GGT5: variants seen among roughly 807,000 people sequenced by gnomAD.
GGT5 encodes the protein gamma-glutamyltransferase 5.
A neutral mutation model predicts 58.1 loss-of-function variants in GGT5; 50 were observed. The observed-to-expected ratio is 0.86, with a 90% CI of 0.69 to 1.09. The LOEUF (loss-of-function observed/expected upper bound fraction) is 1.09. GGT5 is among the 50% of genes least tolerant of loss of function. The probability of loss-of-function intolerance (pLI) is 0.00; values close to 1 mark genes in which losing one functional copy is unlikely to be tolerated. For missense variants in GGT5, 800 were observed against 789.4 expected (o/e 1.01, Z -0.16); for synonymous variants, 370 against 346.1 (o/e 1.07, Z -0.77).
chr22:24,220,796 C>G (rs1426009806), intron 11 of GGT5: 1 of 402,158 alleles, frequency 2.5e-6, no homozygotes, highest in Non-Finnish European at 4.9e-6. Flanking sequence ...CTTTGGGAGG[C>G]CGGCGCAGGA....
rs779931023 is a variant in GGT5, at chr22:24,226,065, GC to G, written c.1229+10del. On this transcript the variant is annotated intron_variant, in intron 8 of 11. Coordinates refer to ENST00000327365, the MANE Select transcript of GGT5 (RefSeq NM_004121.5). ...AGTGAAGCCATCCGCCTTCCCCCAG[GC>G]CCTACGCACGGTGTGTTGATGGTGC... is the stretch of plus-strand genomic sequence containing the variant. 3 of 1,556,010 alleles carry G rather than the reference GC, an allele frequency of 1.9e-6. No homozygotes were observed. The highest frequency in any genetic ancestry group is 8.7e-7 in the Non-Finnish European group (1 of 1,145,792).
intron 4 of GGT5, 90 bp downstream of exon 4, chr22:24,232,733 G>A: frequency 1.1e-6 from 1 of 885,638 alleles, no homozygotes; most frequent in Non-Finnish European, 1.6e-6. Flanking sequence ...TCCAGTGTAA[G>A]AGGGACTGAG....
intron 6 of GGT5, among the ~76,000 whole-genome samples, chr22:24,228,078 A>C (rs1310415556): frequency 4.1e-5 from 6 of 146,476 alleles, no homozygotes; most frequent in African/African-American, 1.0e-4. Flanking sequence ...AAAACAAAAA[A>C]AAAAAAACTC....
intron 6 of GGT5, 109 bp downstream of exon 6, chr22:24,231,275 G>A (rs377258528): frequency 4.3e-6 from 3 of 690,158 alleles, no homozygotes; most frequent in African/African-American, 1.8e-5. Flanking sequence ...GTTTATGGAG[G>A]AGGAGGCTGA....
At chr22:24,223,227 C>A (rs1601372145) in intron 11 of GGT5, among the ~76,000 whole-genome samples, 1 of 152,150 alleles carries the variant, frequency 6.6e-6, no homozygotes, top group Admixed American at 6.5e-5. Flanking sequence ...CATGGGGAAA[C>A]CCCATCTTTA....
At chr22:24,221,570 T>C (rs977249835) in intron 11 of GGT5, among the ~76,000 whole-genome samples, 11 of 152,316 alleles carry the variant, frequency 7.2e-5, no homozygotes, top group African/African-American at 2.6e-4. Flanking sequence ...TGGCGTGCAA[T>C]GGCACGACCT....
chr22:24,228,058 A>AC (rs1240514034), intron 6 of GGT5, among the ~76,000 whole-genome samples: 3 of 128,436 alleles, frequency 2.3e-5, no homozygotes, highest in African/African-American at 1.1e-4. Flanking sequence ...CAAAAAAAAA[A>AC]AAAAAAAACA....
chr22:24,231,341 C>CGGGGGGGGT, intron 6 of GGT5, 43 bp downstream of exon 6: 1 of 1,045,666 alleles, frequency 9.6e-7, no homozygotes, highest in Non-Finnish European at 1.2e-6. Flanking sequence ...GCCGGGGGTG[C>CGGGGGGGGT]GGGGGAGGGG....
intron 11 of GGT5, among the ~76,000 whole-genome samples, chr22:24,221,796 G>A (rs551707733): frequency 3.3e-5 from 5 of 151,592 alleles, no homozygotes; most frequent in African/African-American, 7.2e-5. Flanking sequence ...GGGAGCCACC[G>A]CGCGCAGCCA....
intron 11 of GGT5, among the ~76,000 whole-genome samples, chr22:24,222,921 C>CA (rs772462850): frequency 2.0e-5 from 3 of 151,752 alleles, no homozygotes; most frequent in South Asian, 2.1e-4. Context: ...ACTAAAAATA[C>CA]AAAAAATTAG....
intron 1 of GGT5, chr22:24,242,568 G>A (rs2048354316): frequency 6.6e-6 from 1 of 152,444 alleles, no homozygotes; most frequent in South Asian, 2.1e-4. Context: ...CTGCACTCCA[G>A]CCTGGTGACA....
At chr22:24,242,121 A>G (rs1446463485) in intron 1 of GGT5, 3 of 151,990 alleles carry the variant, frequency 2.0e-5, no homozygotes, top group East Asian at 1.9e-4. Flanking sequence ...CCAGCCAAAA[A>G]TCACCTTTTT....
chr22:24,220,265 T>C (rs1234095213), intron 11 of GGT5, 149 bp from the exon 12 acceptor site: 2 of 721,262 alleles, frequency 2.8e-6, no homozygotes, highest in Non-Finnish European at 4.6e-6. Flanking sequence ...GAGGACCAGA[T>C]GGGAGCATGG....
chr22:24,237,151 T>G (rs2148931555), intron 1 of GGT5, among the ~76,000 whole-genome samples: 1 of 152,174 alleles, frequency 6.6e-6, no homozygotes, highest in Admixed American at 6.5e-5. Flanking sequence ...TCCTCCTGCC[T>G]CAGTCTCCTG....
At chr22:24,220,691 T>G (rs756489280) in intron 11 of GGT5, 1 of 453,738 alleles carries the variant, frequency 2.2e-6, no homozygotes, top group South Asian at 1.6e-5. Context: ...AGGCCAGGAG[T>G]TTGAGAACAG....
intron 11 of GGT5, among the ~76,000 whole-genome samples, chr22:24,222,075 A>G (rs1296356401): frequency 1.3e-5 from 2 of 152,042 alleles, no homozygotes; most frequent in African/African-American, 4.8e-5. Flanking sequence ...GCTACTTGGG[A>G]GGCTGAGACA....
chr22:24,232,026 G>A (rs1233825365), intron 5 of GGT5, 25 bp downstream of exon 5: 5 of 1,599,556 alleles, frequency 3.1e-6, no homozygotes, highest in Non-Finnish European at 2.6e-6. Context: ...GCAGGGATGG[G>A]GTATGGAACC....
At position 24,226,071 on chromosome 22, in the gene GGT5, C is replaced by T. The variant is rs775238798; in HGVS notation, c.1229+5G>A. 28 of 1,574,424 alleles carry T rather than the reference C, an allele frequency of 1.8e-5. No individual in the cohort carries two copies. Among genetic ancestry groups the T allele is most frequent in the East Asian group, 2.3e-5 (1 of 44,090 alleles). On this transcript the variant is annotated splice_donor_5th_base_variant and intron_variant, in intron 8 of 11. Transcript: ENST00000327365. The stretch of plus-strand genomic sequence containing the variant: ...GCCATCCGCCTTCCCCCAGGCCCTA[C>T]GCACGGTGTGTTGATGGTGCTGGTG...
At chr22:24,228,399 A>T (rs1340310405) in intron 6 of GGT5, among the ~76,000 whole-genome samples, 1 of 150,464 alleles carries the variant, frequency 6.6e-6, no homozygotes, top group African/African-American at 2.4e-5. Flanking sequence ...GTCCAGTGCC[A>T]CCCTTATCAC....
Sources: allele counts gnomAD v4.1 joint callset (sites outside exome capture counted in the v4.1 genomes callset), GRCh38; gene constraint gnomAD v4.1.1; transcripts MANE v1.5; gene names NCBI Gene and HGNC (gene_info 2026-07-23, HGNC 2026-07-21).